Variants in KLHL29 observed in about 807,000 individuals in gnomAD.
The protein encoded by KLHL29 is kelch-like protein 29.
KLHL29 carries 21 observed loss-of-function variants against 80.4 expected under a neutral mutation model. The observed-to-expected ratio is 0.26, with a 90% CI of 0.19 to 0.38. The LOEUF is 0.38. KLHL29 is among the 10% of genes least tolerant of loss of function. KLHL29 has a pLI of 1.00. For synonymous variants in KLHL29, 511 were observed against 526.8 expected (o/e 0.97, Z 0.41); for missense variants, 867 against 1,223.9 (o/e 0.71, Z 4.35).
In KLHL29 at chr2:23,562,423, G is replaced by T; in HGVS notation, c.227G>T (p.Gly76Val). The T allele has an allele frequency of 1.3e-6, 2 of 1,537,536 alleles. No homozygotes were observed. Among genetic ancestry groups the T allele is most frequent in the South Asian group, 1.2e-5 (1 of 84,044 alleles). The change falls in exon 3 of 14, where the codon GGC becomes GTC. Residue 76 changes from glycine to valine, a missense_variant. Physicochemically the swap from Gly to Val is moderately radical, Grantham distance 109 (BLOSUM62 -3). This residue lies in a region of KLHL29 where 424 missense variants were observed against 456.9 expected (regional missense o/e 0.93). Coordinates refer to ENST00000486442, the MANE Select transcript of KLHL29 (RefSeq NM_052920.2). The surrounding 1 kb of genome is among the most constrained non-coding windows in gnomAD (Gnocchi z 4.5). The part of the protein sequence containing the change: ...PATAPAPCTT[G>V]SSEAITSLVA... The stretch of plus-strand genomic sequence containing the variant: ...ACAGCTCCTGCTCCCTGCACCACCG[G>T]CAGCAGCGAGGCCATCACCAGCCTC...
intron 1 of KLHL29, among the ~76,000 whole-genome samples, chr2:23,423,968 C>G (rs551695055): frequency 6.6e-6 from 1 of 152,292 alleles, no homozygotes; most frequent in Non-Finnish European, 1.5e-5. Flanking sequence ...GCTGGAGCAT[C>G]CGCTCTCTCT....
chr2:23,696,932 G>A lies in KLHL29; in HGVS notation c.2105+419G>A, dbSNP rs1307734935. 5.9e-6 allele frequency: 1 copy of A among 170,520 alleles called. No individual in the cohort carries two copies. The highest frequency in any genetic ancestry group is 1.3e-5 in the Non-Finnish European group (1 of 78,984). 10.6% of individuals were successfully genotyped at this position (170,520 alleles called of 1,614,324 possible). A position where few individuals can be genotyped will look rare whatever the true frequency, so the allele number is the denominator to read the frequency against. ...AGCTGGAAGCAATGTTTAAAATGCA[G>A]GTCATGCCAGTGGCGGTGCCTCCTT... is the stretch of plus-strand genomic sequence containing the variant. On this transcript the variant is annotated intron_variant, in intron 11 of 13. Transcript: ENST00000486442. The surrounding 1 kb of genome is among the most constrained non-coding windows in gnomAD (Gnocchi z 5.5).
intron 3 of KLHL29, among the ~76,000 whole-genome samples, chr2:23,565,906 C>T (rs368166632): frequency 1.2e-4 from 19 of 152,324 alleles, no homozygotes; most frequent in East Asian, 9.6e-4. Context: ...CTAGGCAGTG[C>T]GCAGGGTGAA....
chr2:23,634,295 C>G (rs900799639), intron 3 of KLHL29, among the ~76,000 whole-genome samples: 3 of 152,182 alleles, frequency 2.0e-5, no homozygotes, highest in Non-Finnish European at 4.4e-5. Flanking sequence ...GCATCATCGT[C>G]CCTCCAGGAA....
At chr2:23,701,862 G>A (rs369743902) in intron 11 of KLHL29, among the ~76,000 whole-genome samples, 3 of 134,996 alleles carry the variant, frequency 2.2e-5, no homozygotes, top group Non-Finnish European at 4.6e-5. Context: ...GTGCAATGGC[G>A]CGATCTTGGC....
At chr2:23,461,901 CTGA>C (rs1466346656) in intron 1 of KLHL29, among the ~76,000 whole-genome samples, 1 of 151,458 alleles carries the variant, frequency 6.6e-6, no homozygotes, top group Non-Finnish European at 1.5e-5. Context: ...TGACCCAGGA[CTGA>C]TGGCCCCTAG....
At chr2:23,668,100 C>G (rs1298152692) in intron 5 of KLHL29, 3 of 152,522 alleles carry the variant, frequency 2.0e-5, no homozygotes, top group Non-Finnish European at 4.4e-5. Flanking sequence ...CCGCACCCAG[C>G]TGGCCCAACT....
chr2:23,478,185 C>G (rs956812898), intron 2 of KLHL29, among the ~76,000 whole-genome samples: 1 of 152,182 alleles, frequency 6.6e-6, no homozygotes, highest in Non-Finnish European at 1.5e-5. Flanking sequence ...GTTCCGCTCC[C>G]TCTGCCACTC....
At chr2:23,614,981 A>G (rs1400840576) in intron 3 of KLHL29, among the ~76,000 whole-genome samples, 1 of 152,190 alleles carries the variant, frequency 6.6e-6, no homozygotes, top group Non-Finnish European at 1.5e-5. Context: ...CAGCAAAACA[A>G]GACTCCTCCA....
In KLHL29 at chr2:23,647,908, C is replaced by G. The variant is rs868064386; in HGVS notation, c.940+5058C>G. ...GGATGCTATTTCATCCCCACTCCCC[C>G]CTCAGTATCCAAGCCGGTACCAGCA... On this transcript the variant is annotated intron_variant, in intron 5 of 13. Transcript: ENST00000486442. The surrounding 1 kb of genome is among the most constrained non-coding windows in gnomAD (Gnocchi z 4.9). Among the ~76,000 whole-genome samples the G allele has an allele frequency of 1.3e-3, 201 of 152,256 alleles. 1 individual carries two copies. Among genetic ancestry groups the G allele is most frequent in the Middle Eastern group, 0.01 (3 of 294 alleles).
chr2:23,396,213 A>G (rs1471955949), intron 1 of KLHL29, among the ~76,000 whole-genome samples: 7 of 152,270 alleles, frequency 4.6e-5, no homozygotes, highest in South Asian at 2.1e-4. Context: ...CTCAACTGCC[A>G]TTGTTGGTGG....
chr2:23,672,146 T>A (rs377684072), intron 5 of KLHL29: 1 of 152,276 alleles, frequency 6.6e-6, no homozygotes, highest in East Asian at 1.9e-4. Context: ...TCCTGGAACT[T>A]TGAAGTCCAG....
chr2:23,692,474 A>G (rs1288482310), intron 7 of KLHL29, among the ~76,000 whole-genome samples: 1 of 152,216 alleles, frequency 6.6e-6, no homozygotes, highest in Non-Finnish European at 1.5e-5. Flanking sequence ...AAAGCCCCCA[A>G]AGAAGCAGTG....
intron 1 of KLHL29, among the ~76,000 whole-genome samples, chr2:23,428,803 C>A (rs749764692): frequency 6.6e-5 from 10 of 152,200 alleles, no homozygotes; most frequent in Non-Finnish European, 1.5e-4. Flanking sequence ...GATTTGGGGC[C>A]GTTGGCTCCC....
At chr2:23,459,936 T>A (rs1664165237) in intron 1 of KLHL29, among the ~76,000 whole-genome samples, 1 of 152,186 alleles carries the variant, frequency 6.6e-6, no homozygotes, top group African/African-American at 2.4e-5. Context: ...CTAGGCAGCC[T>A]TTCCAGAAGT....
At chr2:23,527,456 G>A (rs184154212) in intron 2 of KLHL29, among the ~76,000 whole-genome samples, 5 of 152,320 alleles carry the variant, frequency 3.3e-5, no homozygotes, top group African/African-American at 1.2e-4. Context: ...AGAGACTGTG[G>A]AGCCCAGAGC....
chr2:23,547,826 T>C (rs556961150), intron 2 of KLHL29, among the ~76,000 whole-genome samples: 1 of 152,062 alleles, frequency 6.6e-6, no homozygotes, highest in South Asian at 2.1e-4. Flanking sequence ...GGCTCTGTAG[T>C]GAGAAGACAG....
At chr2:23,661,226 C>T (rs980981075) in intron 5 of KLHL29, among the ~76,000 whole-genome samples, 1 of 151,508 alleles carries the variant, frequency 6.6e-6, no homozygotes, top group African/African-American at 2.4e-5. Context: ...CTTGTAGTCC[C>T]AGCTATTTGG....
At chr2:23,509,433 G>A (rs538002194) in intron 2 of KLHL29, among the ~76,000 whole-genome samples, 2 of 152,266 alleles carry the variant, frequency 1.3e-5, no homozygotes, top group East Asian at 1.9e-4. Flanking sequence ...ATTCTTGCCT[G>A]TGGATCTGGG....
Sources: allele counts gnomAD v4.1 joint callset (sites outside exome capture counted in the v4.1 genomes callset), GRCh38; gene constraint gnomAD v4.1.1; regional missense constraint gnomAD v4.1.1; non-coding constraint Gnocchi (gnomAD v3.1); transcripts MANE v1.5; gene names NCBI Gene and HGNC (gene_info 2026-07-23, HGNC 2026-07-21).